PPEF1: variants seen among roughly 807,000 people sequenced by gnomAD.
PPEF1 encodes protein phosphatase with EF-hand domain 1, also known as serine/threonine-protein phosphatase with EF-hands 1.
In PPEF1, 12 loss-of-function variants were observed where a neutral mutation model predicts 53.3. That is an observed-to-expected ratio of 0.23 (90% confidence interval 0.14 to 0.36). PPEF1 has a LOEUF of 0.36. Among genes scored for constraint, PPEF1 ranks in the 10% least tolerant of loss-of-function variants. The probability of loss-of-function intolerance (pLI) is 1.00; values close to 1 mark genes in which losing one functional copy is unlikely to be tolerated. For missense variants in PPEF1, 334 were observed against 490.4 expected (o/e 0.68, Z 3.01); for synonymous variants, 165 against 176.7 (o/e 0.93, Z 0.52).
At chrX:18,678,706 G>C (rs1490050178), upstream of PPEF1, among the ~76,000 whole-genome samples, 2 of 111,557 alleles carry the variant, frequency 1.8e-5, no homozygotes, top group African/African-American at 6.5e-5. Context: ...ACTCTGTTTT[G>C]AGGTACCTTC....
rs1410921195 is a variant in PPEF1, at chrX:18,793,302, A to G, written c.1065+4029A>G. ...GTCTAAATATCCTTGTGATTTCTTT[A>G]ACTTATCTGTTATTTGGTAGTGTGT... On this transcript the variant is annotated intron_variant, in intron 10 of 15. Coordinates refer to ENST00000470157, the MANE Select transcript of PPEF1 (RefSeq NM_001377996.1). Among the ~76,000 whole-genome samples, 4 of 110,753 alleles carry G rather than the reference A, an allele frequency of 3.6e-5. No individual in the cohort carries two copies. The South Asian group carries it at 1.1e-3, about 31-fold the overall frequency.
chrX:18,757,412 G>C (rs1485740431), intron 4 of PPEF1, among the ~76,000 whole-genome samples: 2 of 110,526 alleles, frequency 1.8e-5, no homozygotes, highest in Non-Finnish European at 3.8e-5. Context: ...TAAGGACCTG[G>C]GATGATGATT....
intron 6 of PPEF1, among the ~76,000 whole-genome samples, chrX:18,775,210 G>GTT (rs1490219084): frequency 8.2e-5 from 4 of 48,792 alleles, no homozygotes; most frequent in African/African-American, 1.8e-4. Flanking sequence ...TTAACCCATT[G>GTT]CTTTTTTTTT....
intron 1 of PPEF1, among the ~76,000 whole-genome samples, chrX:18,710,744 T>A (rs1477014276): frequency 1.8e-5 from 2 of 111,604 alleles, no homozygotes; most frequent in Non-Finnish European, 3.8e-5. Context: ...TGTAAATTAG[T>A]ACAACCTCTG....
At chrX:18,789,786 T>G (rs2046292047) in intron 10 of PPEF1, among the ~76,000 whole-genome samples, 1 of 112,573 alleles carries the variant, frequency 8.9e-6, no homozygotes, top group Admixed American at 9.4e-5. Flanking sequence ...ATCTATTTGT[T>G]GCTGAATAAT....
At chrX:18,807,015 G>C (rs73636688) in intron 12 of PPEF1, among the ~76,000 whole-genome samples, 134 of 22,720 alleles carry the variant, frequency 5.9e-3, no homozygotes, top group Non-Finnish European at 0.012. Context: ...TTTTTTTTTT[G>C]TTTGTTTTTT....
At chrX:18,826,489 C>T (rs1168819822) in intron 15 of PPEF1, among the ~76,000 whole-genome samples, 2 of 79,638 alleles carry the variant, frequency 2.5e-5, no homozygotes, top group Admixed American at 4.0e-4. Flanking sequence ...AGTGCAATGG[C>T]GGGATCTCAG....
chrX:18,779,316 C>G (rs1470816452), intron 7 of PPEF1, 140 bp downstream of exon 7: 20 of 521,875 alleles, frequency 3.8e-5, no homozygotes, highest in Non-Finnish European at 5.2e-5. Context: ...CAATTCTTAC[C>G]CCTTTCACCA....
chrX:18,734,733 A>C (rs2044929706), intron 3 of PPEF1, among the ~76,000 whole-genome samples: 1 of 111,556 alleles, frequency 9.0e-6, no homozygotes, highest in Non-Finnish European at 1.9e-5. Flanking sequence ...GAACTAGTTT[A>C]CAGTCCCACC....
At chrX:18,761,921 G>C (rs1277818470) in intron 6 of PPEF1, among the ~76,000 whole-genome samples, 1 of 111,146 alleles carries the variant, frequency 9.0e-6, no homozygotes, top group African/African-American at 3.3e-5. Context: ...TTTTGTTCAG[G>C]GATGAGCATG....
intron 3 of PPEF1, among the ~76,000 whole-genome samples, chrX:18,689,701 G>A (rs1186842436): frequency 2.7e-5 from 3 of 109,653 alleles, no homozygotes; most frequent in Non-Finnish European, 5.7e-5. Flanking sequence ...ACTTGTAAGT[G>A]CATTAAAGTT....
chrX:18,726,351 CAAATAAATAAATAAATAAAT>C (rs557593698), intron 1 of PPEF1, among the ~76,000 whole-genome samples: 13 of 94,755 alleles, frequency 1.4e-4, no homozygotes, highest in African/African-American at 4.7e-4. Context: ...GACTCTGACT[CAAATAAATAAATAAATAAAT>C]AAATAAATAA....
intron 3 of PPEF1, among the ~76,000 whole-genome samples, chrX:18,749,488 G>A (rs902150720): frequency 2.7e-5 from 3 of 111,314 alleles, no homozygotes; most frequent in Admixed American, 9.6e-5. Context: ...CTAGAGCTTC[G>A]ATCATCCAAA....
At chrX:18,767,707 G>A (rs1914171360) in intron 6 of PPEF1, among the ~76,000 whole-genome samples, 1 of 111,777 alleles carries the variant, frequency 8.9e-6, no homozygotes, top group African/African-American at 3.3e-5. Context: ...GAGGATATTG[G>A]GTCTTAGGAA....
chrX:18,712,953 C>A (rs1256036962), intron 1 of PPEF1, among the ~76,000 whole-genome samples: 1 of 111,964 alleles, frequency 8.9e-6, no homozygotes, highest in Non-Finnish European at 1.9e-5. Flanking sequence ...GTTAAGCCAA[C>A]TTCGCATTCC....
At chrX:18,754,963 A>C (rs2045516534) in intron 4 of PPEF1, among the ~76,000 whole-genome samples, 1 of 111,778 alleles carries the variant, frequency 8.9e-6, no homozygotes, top group Non-Finnish European at 1.9e-5. Context: ...GGAGGTTATA[A>C]GACACATGAA....
chrX:18,675,102 T>C (rs1164669011), upstream of PPEF1, among the ~76,000 whole-genome samples: 2 of 112,776 alleles, frequency 1.8e-5, no homozygotes, highest in Non-Finnish European at 3.8e-5. Context: ...TGCGGCGGCT[T>C]CGAGTCTCGG....
intron 1 of PPEF1, among the ~76,000 whole-genome samples, chrX:18,723,783 A>ATT (rs375565489): frequency 9.8e-6 from 1 of 102,139 alleles, no homozygotes; most frequent in Non-Finnish European, 2.0e-5. Context: ...ATACCATCTG[A>ATT]TTTTTTTTTT....
intron 3 of PPEF1, among the ~76,000 whole-genome samples, chrX:18,744,504 C>A (rs2045279123): frequency 8.9e-6 from 1 of 111,849 alleles, no homozygotes; most frequent in African/African-American, 3.3e-5. Flanking sequence ...CTCCCACAGG[C>A]AGAAAGCCGA....
Sources: gnomAD v4.1 joint callset for allele counts (sites outside exome capture counted in the v4.1 genomes callset) on GRCh38, gnomAD v4.1.1 for gene constraint, MANE v1.5 for transcripts, NCBI Gene and HGNC (gene_info 2026-07-23, HGNC 2026-07-21) for gene names.